The following CERCAM variants were observed in gnomAD, a reference collection of about 807,000 sequenced individuals.
CERCAM encodes the protein cerebral endothelial cell adhesion molecule.
CERCAM carries 59 observed loss-of-function variants against 66.0 expected under a neutral mutation model. That is an observed-to-expected ratio of 0.89 (90% CI 0.73 to 1.11). CERCAM has a LOEUF of 1.11. CERCAM is among the 50% of genes most tolerant of loss of function. CERCAM has a pLI of 0.00. For missense variants in CERCAM, 840 were observed against 828.3 expected (o/e 1.01, Z -0.17); for synonymous variants, 318 against 343.6 (o/e 0.93, Z 0.83).
At position 128,421,524 on chromosome 9, in the gene CERCAM, A is replaced by G. The variant is rs867113731; in HGVS notation, c.197+450A>G. The G allele has an allele frequency of 6.7e-5, 66 of 987,466 alleles. No homozygotes were observed. In the African/African-American group the frequency reaches 1.0e-3, roughly 15 times the overall value. The allele number at this position is 987,466 out of a possible 1,614,324, so 61.2% of individuals were successfully genotyped here. On this transcript the variant is annotated intron_variant, in intron 1 of 12. Coordinates refer to ENST00000372838, the MANE Select transcript of CERCAM (RefSeq NM_016174.5). ...CTTCCGGGCACAGGTTGGGGGTGCC[A>G]TCAGCACTGGGCTCCGGGCTGTGCA...
chr9:128,435,522 G>A, intron 11 of CERCAM, 131 bp from the exon 12 acceptor site: 1 of 944,678 alleles, frequency 1.1e-6, no homozygotes. Context: ...CCACTGCTCA[G>A]GGCCGCTGTG....
Position 128,424,209 on chromosome 9 carries a change from G to A in CERCAM, c.498G>A (p.Val166=). The A allele has an allele frequency of 6.2e-7, 1 of 1,614,124 alleles. No individual in the cohort carries two copies. The highest frequency in any genetic ancestry group is 8.5e-7 in the Non-Finnish European group (1 of 1,180,012). The stretch of plus-strand genomic sequence containing the variant: ...TTCTCATGGGGCAGGGGCTTCCAGT[G>A]GTGGCCCCAATGCTGGACTCCCAGA... The part of the protein sequence containing the change: ...LRLLMGQGLP[V]VAPMLDSQTY... The change falls in exon 4 of 13, where the codon GTG becomes GTA. Residue 166 remains valine (V), a synonymous_variant. Coordinates refer to ENST00000372838, the MANE Select transcript of CERCAM (RefSeq NM_016174.5).
At chr9:128,429,059 G>GT (rs759472681) in intron 8 of CERCAM, 23 bp downstream of exon 8, 8 of 1,540,968 alleles carry the variant, frequency 5.2e-6, no homozygotes, top group African/African-American at 4.1e-5. Flanking sequence ...GGTGGGGGGG[G>GT]CCCTGTGCGC....
At chr9:128,435,392 C>G (rs1834084636) in intron 11 of CERCAM, among the ~76,000 whole-genome samples, 1 of 152,190 alleles carries the variant, frequency 6.6e-6, no homozygotes, top group Non-Finnish European at 1.5e-5. Context: ...TCTCGGCTTC[C>G]CAAAGTGCTG....
chr9:128,432,483 C>T (rs902588383), intron 9 of CERCAM, among the ~76,000 whole-genome samples: 4 of 150,776 alleles, frequency 2.7e-5, no homozygotes, highest in Admixed American at 1.3e-4. Flanking sequence ...CTCCCGGGCT[C>T]AAGCAATTAT....
chr9:128,436,148 C>G (rs909561382), intron 12 of CERCAM, among the ~76,000 whole-genome samples: 7 of 152,028 alleles, frequency 4.6e-5, no homozygotes, highest in Non-Finnish European at 8.8e-5. Flanking sequence ...CTCTGCCTCT[C>G]GGGCTCAAGA....
chr9:128,434,231 T>C lies in CERCAM; in HGVS notation c.1331+2T>C. ...AGAGAAACTGTCTTGGGACCTGATG[T>C]AGGCAGCCTGCACCCTCAGGGACAA... On this transcript the variant is annotated splice_donor_variant, in intron 10 of 12. Coordinates refer to ENST00000372838, the MANE Select transcript of CERCAM (RefSeq NM_016174.5). LOFTEE classifies it high-confidence loss of function. The surrounding 1 kb of genome is among the most constrained non-coding windows in gnomAD (Gnocchi z 4.5). 6.2e-7 allele frequency: 1 copy of C among 1,613,916 alleles called. No individual in the cohort carries two copies.
chr9:128,434,643 AG>A lies in CERCAM; in HGVS notation c.1535+33del, dbSNP rs754326994. 6 of 1,588,466 alleles carry A rather than the reference AG, an allele frequency of 3.8e-6. No homozygotes were observed. Among genetic ancestry groups the A allele is most frequent in the African/African-American group, 2.7e-5 (2 of 74,564 alleles). On this transcript the variant is annotated intron_variant, in intron 11 of 12. Coordinates refer to ENST00000372838, the MANE Select transcript of CERCAM (RefSeq NM_016174.5). This position sits in a 1 kb window ranked among gnomAD's most constrained non-coding sequence, Gnocchi z 4.5. ...GGCTCTGATGGGGGCCGGGCATGGC[AG>A]GGCAGAGGCGTCCCCTCCAGGAACT...
chr9:128,419,299 A>C (rs1346406790), upstream of CERCAM: 1 of 152,090 alleles, frequency 6.6e-6, no homozygotes, highest in Non-Finnish European at 1.5e-5. Context: ...TCCTCTATGG[A>C]CCTTCAGCCC....
intron 1 of CERCAM, 21 bp from the exon 2 acceptor site, chr9:128,422,847 C>G (rs749438367): frequency 1.2e-6 from 2 of 1,613,070 alleles, no homozygotes; most frequent in Non-Finnish European, 1.7e-6. Flanking sequence ...CCCCCTCAGC[C>G]TTTTTTCTTC....
chr9:128,432,227 T>G (rs961009836), intron 9 of CERCAM, among the ~76,000 whole-genome samples: 2 of 152,030 alleles, frequency 1.3e-5, no homozygotes, highest in Non-Finnish European at 2.9e-5. Flanking sequence ...GGTTTCGCCA[T>G]ATTGGTCAGG....
Position 128,428,972 on chromosome 9 carries a change from C to G in CERCAM, c.1006C>G (p.Arg336Gly). The change falls in exon 8 of 13, where the codon CGC becomes GGC. Residue 336 changes from arginine (R) to glycine (G), a missense_variant. Arg to Gly is a moderately radical substitution (Grantham distance 125). Coordinates refer to ENST00000372838, the MANE Select transcript of CERCAM (RefSeq NM_016174.5). Reference protein sequence around the residue: ...SLARRPDRRERMLASLWEMEI... With the variant: ...SLARRPDRREGMLASLWEMEI... ...GGCTCGCAGGCCTGACCGTCGGGAACGCATGCTCGCCTCGCTCTGGGAGAT... is the reference window on the plus strand; with the variant it reads ...GGCTCGCAGGCCTGACCGTCGGGAAGGCATGCTCGCCTCGCTCTGGGAGAT... The G allele has an allele frequency of 1.2e-6, 2 of 1,611,502 alleles. No homozygotes were observed. The highest frequency in any genetic ancestry group is 1.7e-6 in the Non-Finnish European group (2 of 1,179,218).
In CERCAM at chr9:128,421,042, G is replaced by C; in HGVS notation, c.165G>C (p.Arg55=). 1 of 1,405,382 alleles carries C rather than the reference G, an allele frequency of 7.1e-7. No homozygotes were observed. Among genetic ancestry groups the C allele is most frequent in the Non-Finnish European group, 9.3e-7 (1 of 1,078,062 alleles). The allele number at this position is 1,405,382 out of a possible 1,614,324, so 87.1% of individuals were successfully genotyped here. A position where few individuals can be genotyped will look rare whatever the true frequency, so the allele number is the denominator to read the frequency against. The change falls in exon 1 of 13, where the codon CGG becomes CGC. Residue 55 remains arginine (R), a synonymous_variant. Transcript: ENST00000372838. ...CCCACTACCTGGGCGCTCTGGAGCG[G>C]CTGGACTACCCCCGGGCCAGGATGG... The part of the protein sequence containing the change: ...SLPHYLGALE[R]LDYPRARMAL...
intron 6 of CERCAM, 59 bp downstream of exon 6, chr9:128,428,480 T>C: frequency 6.3e-7 from 1 of 1,598,412 alleles, no homozygotes; most frequent in Admixed American, 1.7e-5. Context: ...CTCCCCACGG[T>C]GCCCCTTTCC....
At chr9:128,429,980 T>C (rs1399880704) in intron 8 of CERCAM, among the ~76,000 whole-genome samples, 1 of 151,918 alleles carries the variant, frequency 6.6e-6, no homozygotes, top group Non-Finnish European at 1.5e-5. Context: ...TTTTGTTTTT[T>C]TTTCATAGAG....
At chr9:128,430,157 C>T (rs1350396306) in intron 8 of CERCAM, among the ~76,000 whole-genome samples, 4 of 151,936 alleles carry the variant, frequency 2.6e-5, no homozygotes, top group East Asian at 1.9e-4. Flanking sequence ...TCCCAGCACT[C>T]TGGGAGGTTA....
At chr9:128,421,441 A>G in intron 1 of CERCAM, 1 of 1,024,318 alleles carries the variant, frequency 9.8e-7, no homozygotes, top group Non-Finnish European at 1.2e-6. Context: ...AGAGGAGCAG[A>G]CAGGAACCTC....
chr9:128,424,311 T>C, intron 4 of CERCAM, 39 bp downstream of exon 4: 1 of 1,612,626 alleles, frequency 6.2e-7, no homozygotes, highest in Non-Finnish European at 8.5e-7. Flanking sequence ...ACTGAGGTCC[T>C]GGAAGGAGGG....
chr9:128,420,915 TG>T lies in CERCAM; in HGVS notation c.39del (p.Leu14SerfsTer109). 7.2e-7 allele frequency: 1 copy of T among 1,392,948 alleles called. No individual in the cohort carries two copies. 86.3% of individuals were successfully genotyped at this position (1,392,948 alleles called of 1,614,324 possible). On this transcript the variant is annotated frameshift_variant, in exon 1 of 13. Coordinates refer to ENST00000372838, the MANE Select transcript of CERCAM (RefSeq NM_016174.5). LOFTEE classifies it high-confidence loss of function. This position sits in a 1 kb window ranked among gnomAD's most constrained non-coding sequence, Gnocchi z 5.0. ...CGCGCCGCGCCGCTGCTCCAGCTGC[TG>T]CTCCTGCTGGGGCCGTGGCTGGAGG... ...AARAAPLLQL[L>X]LLLGPWLEAA...
Sources: gnomAD v4.1 joint callset for allele counts (sites outside exome capture counted in the v4.1 genomes callset) on GRCh38, gnomAD v4.1.1 for gene constraint, Gnocchi (gnomAD v3.1) non-coding constraint, MANE v1.5 for transcripts, NCBI Gene and HGNC (gene_info 2026-07-23, HGNC 2026-07-21) for gene names.